The following DNPEP variants were observed in gnomAD, a reference collection of about 807,000 sequenced individuals.
DNPEP encodes aspartyl aminopeptidase.
In DNPEP, 46 loss-of-function variants were observed where a neutral mutation model predicts 59.1. The observed-to-expected ratio is 0.78, with a 90% confidence interval of 0.61 to 0.99. DNPEP has a LOEUF of 0.99. Among genes scored for constraint, DNPEP ranks in the 50% least tolerant of loss-of-function variants. The probability of loss-of-function intolerance (pLI) is 0.00; values close to 1 mark genes in which losing one functional copy is unlikely to be tolerated. For missense variants in DNPEP, 617 were observed against 649.9 expected (o/e 0.95, Z 0.55); for synonymous variants, 229 against 242.2 (o/e 0.95, Z 0.50).
At chr2:219,375,498 G>T (rs910519588) in intron 13 of DNPEP, among the ~76,000 whole-genome samples, 28 of 144,158 alleles carry the variant, frequency 1.9e-4, no homozygotes, top group African/African-American at 7.9e-4. Context: ...AACTAAATAA[G>T]AATAATTTTA....
Position 219,373,172 on chromosome 2 carries a change from G to A in DNPEP, c.*1120C>T, listed in dbSNP as rs977448965. ...CAACCTCCGCCTCCTGGGTTCAAGC[G>A]ATTCTCCTGCCTCAGCCTCCGGAGT... On this transcript the variant is annotated 3_prime_UTR_variant, in exon 15 of 15. Transcript: ENST00000273075. Among the ~76,000 whole-genome samples, 6 of 148,520 alleles carry A rather than the reference G, an allele frequency of 4.0e-5. No homozygotes were observed. Among genetic ancestry groups the A allele is most frequent in the South Asian group, 2.2e-4 (1 of 4,616 alleles).
At chr2:219,374,454 T>A in intron 14 of DNPEP, 112 bp from the exon 15 acceptor site, 1 of 1,021,014 alleles carries the variant, frequency 9.8e-7, no homozygotes, top group Non-Finnish European at 1.5e-6. Flanking sequence ...CGAGGTTTCA[T>A]CTGTTCTTGA....
At position 219,385,522 on chromosome 2, in the gene DNPEP, G is replaced by GC. The variant is rs1188891572; in HGVS notation, c.675dup (p.His226AlafsTer40). The GC allele has an allele frequency of 6.2e-7, 1 of 1,603,516 alleles. No individual in the cohort carries two copies. The highest frequency in any genetic ancestry group is 8.5e-7 in the Non-Finnish European group (1 of 1,171,372). The stretch of plus-strand genomic sequence containing the variant: ...AGCAGGGACATGAGGACCGAATGGT[G>GC]CCGCTCATCCTGAAGAGCAGAAAGA... On this transcript the variant is annotated frameshift_variant, in exon 8 of 15. Transcript: ENST00000273075. LOFTEE classifies it high-confidence loss of function.
chr2:219,381,222 AC>A (rs1291956754), intron 13 of DNPEP, 112 bp downstream of exon 13: 4 of 880,776 alleles, frequency 4.5e-6, no homozygotes, highest in Admixed American at 3.7e-5. Flanking sequence ...CTCTACTGGG[AC>A]CCCCCTCCAC....
rs2125139131 is a variant in DNPEP at position 219,385,144 on chromosome 2, G to A, written c.774+280C>T. The A allele has an allele frequency of 7.9e-6, 3 of 380,348 alleles. No individual in the cohort carries two copies. In the East Asian group the frequency reaches 1.3e-4, roughly 16 times the overall value. The allele number at this position is 380,348 out of a possible 1,614,324, so 23.6% of individuals were successfully genotyped here. On this transcript the variant is annotated intron_variant, in intron 8 of 14. Transcript: ENST00000273075. ...TTTCCCTAAGCAGTTCAGTGTCAGT[G>A]TGGGTCAAAGCAGACAGGGCCCACC... is the stretch of plus-strand genomic sequence containing the variant.
At chr2:219,388,755 G>A (rs1953960133), upstream of DNPEP, 2 of 985,530 alleles carry the variant, frequency 2.0e-6, no homozygotes, top group Non-Finnish European at 2.4e-6. Flanking sequence ...CCACCTTTGT[G>A]ACAATAAAAG....
chr2:219,387,922 G>GCCGCC (rs1157381460), upstream of DNPEP: 53 of 1,362,218 alleles, frequency 3.9e-5, 1 homozygote, highest in Middle Eastern at 2.7e-4. Flanking sequence ...CCCCGGCCGC[G>GCCGCC]CCGCCCCGCC....
At chr2:219,392,336 T>C (rs546895036), upstream of DNPEP, among the ~76,000 whole-genome samples, 272 of 151,926 alleles carry the variant, frequency 1.8e-3, 2 homozygotes, top group Non-Finnish European at 3.2e-3. Flanking sequence ...GTTTATAAGA[T>C]ACATATGTCT....
chr2:219,390,566 G>A (rs1954000444), upstream of DNPEP, among the ~76,000 whole-genome samples: 1 of 152,118 alleles, frequency 6.6e-6, no homozygotes, highest in African/African-American at 2.4e-5. Context: ...AGTTAAAAAT[G>A]AGATAACAGT....
intron 1 of DNPEP, 145 bp downstream of exon 1, chr2:219,387,614 A>G: frequency 3.2e-6 from 5 of 1,538,852 alleles, no homozygotes; most frequent in Middle Eastern, 1.7e-4. Flanking sequence ...GTCCCGGGAA[A>G]GTCGTCAGGT....
chr2:219,383,281 A>C (rs1953676027), intron 9 of DNPEP, 67 bp from the exon 10 acceptor site: 4 of 1,438,538 alleles, frequency 2.8e-6, no homozygotes, highest in Non-Finnish European at 3.9e-6. Flanking sequence ...GCCCACCAGC[A>C]CCTTGGGTGT....
intron 1 of DNPEP, among the ~76,000 whole-genome samples, chr2:219,395,337 C>G (rs1020048142): frequency 6.6e-6 from 1 of 152,154 alleles, no homozygotes; most frequent in Non-Finnish European, 1.5e-5. Context: ...GCAGAAAGCA[C>G]GCATTTTCAC....
rs1042497094 is a variant in DNPEP, at chr2:219,383,056, C to T, written c.936+75G>A. On this transcript the variant is annotated intron_variant, in intron 10 of 14. Transcript: ENST00000273075. ...GGGCCCCCAGAAGAGCCCTGGCTCA[C>T]GGTGGATGCCTGGCACAACAAGTTG... 4.5e-5 allele frequency: 64 copies of T among 1,412,726 alleles called. No individual in the cohort carries two copies. The Middle Eastern group carries it at 7.5e-4, about 17-fold the overall frequency. 87.5% of individuals were successfully genotyped at this position (1,412,726 alleles called of 1,614,324 possible).
At position 219,384,452 on chromosome 2, in the gene DNPEP, G is replaced by T; in HGVS notation, c.775-9C>A. ...TAGGCACCACCCAAGACCTAGAGAG[G>T]TAAGACAGTCAGCCCGACCTTCAAC... On this transcript the variant is annotated splice_polypyrimidine_tract_variant and intron_variant, in intron 8 of 14. Transcript: ENST00000273075. 2 of 1,607,616 alleles carry T rather than the reference G, an allele frequency of 1.2e-6. No individual in the cohort carries two copies. The highest frequency in any genetic ancestry group is 1.3e-5 in the African/African-American group (1 of 74,734).
intron 13 of DNPEP, among the ~76,000 whole-genome samples, chr2:219,378,054 A>C (rs1953444556): frequency 6.6e-6 from 1 of 152,230 alleles, no homozygotes; most frequent in South Asian, 2.1e-4. Flanking sequence ...GTTTATGCAT[A>C]GAAAAAAATC....
chr2:219,380,810 TTATA>T (rs1342833295), intron 13 of DNPEP, among the ~76,000 whole-genome samples: 1 of 125,098 alleles, frequency 8.0e-6, no homozygotes, highest in African/African-American at 2.8e-5. Context: ...CTGTCATGTG[TTATA>T]TACATACATG....
At chr2:219,376,202 A>G (rs1953363686) in intron 13 of DNPEP, among the ~76,000 whole-genome samples, 1 of 152,220 alleles carries the variant, frequency 6.6e-6, no homozygotes, top group South Asian at 2.1e-4. Flanking sequence ...GAAAGGGAAA[A>G]GCAGGCCAGG....
intron 9 of DNPEP, among the ~76,000 whole-genome samples, chr2:219,384,083 G>A (rs1166012218): frequency 6.6e-6 from 1 of 152,230 alleles, no homozygotes; most frequent in Non-Finnish European, 1.5e-5. Context: ...TTCAGGAAAA[G>A]CAGCAGGAGC....
In DNPEP at chr2:219,387,122, A is replaced by G. The variant is rs1953878207; in HGVS notation, c.78T>C (p.Thr26=). ...NGKARKEAVQ[T]AAKELLKFVN... is the part of the protein sequence containing the mutation. ...CGAACTTGAGGAGTTCCTTAGCCGC[A>G]GTCTGCACCGCCTCTTTGCGGGCCT... The change falls in exon 2 of 15, where the codon ACT becomes ACC. Residue 26 remains threonine, a synonymous_variant. Coordinates refer to ENST00000273075, the MANE Select transcript of DNPEP (RefSeq NM_012100.4). 1 of 1,574,472 alleles carries G rather than the reference A, an allele frequency of 6.4e-7. No individual in the cohort carries two copies. Among genetic ancestry groups the G allele is most frequent in the Admixed American group, 1.9e-5 (1 of 53,920 alleles).
Sources: gnomAD v4.1 joint callset for allele counts (sites outside exome capture counted in the v4.1 genomes callset) on GRCh38, gnomAD v4.1.1 for gene constraint, MANE v1.5 for transcripts, NCBI Gene and HGNC (gene_info 2026-07-23, HGNC 2026-07-21) for gene names.